MBD5: variants seen among roughly 807,000 people sequenced by gnomAD.
MBD5 encodes methyl-CpG-binding domain protein 5.
A neutral mutation model predicts 117.3 loss-of-function variants in MBD5; 13 were observed. The observed-to-expected ratio is 0.11, with a 90% CI of 0.07 to 0.18. The LOEUF (loss-of-function observed/expected upper bound fraction) is 0.18, where lower values mean the gene tolerates loss of function less well. Among genes scored for constraint, MBD5 ranks in the 10% least tolerant of loss-of-function variants. The pLI is 1.00. For missense variants in MBD5, 1,879 were observed against 2,093.8 expected, an observed-to-expected ratio of 0.90 and a Z score of 2.00; for synonymous variants, 727 against 766.4, an observed-to-expected ratio of 0.95 and a Z score of 0.85.
At chr2:148,301,891 A>C (rs1701782639) in intron 3 of MBD5, among the ~76,000 whole-genome samples, 1 of 152,144 alleles carries the variant, frequency 6.6e-6, no homozygotes, top group African/African-American at 2.4e-5. Flanking sequence ...AAAGCTGCTG[A>C]TCACCAGTTT....
rs1193884807 is a variant in MBD5 at position 148,451,588 on chromosome 2, G to T, written c.-556-6615G>T. On this transcript the variant is annotated intron_variant, in intron 4 of 13. Transcript: ENST00000642680. ...ATAATGATGGAAAGATTATGAATAT[G>T]TTCATTTATTATCCAATAAAATGAT... 2.0e-5 allele frequency among the ~76,000 whole-genome samples: 3 copies of T among 152,008 alleles called. No homozygotes were observed. The East Asian group carries it at 5.8e-4, about 29-fold the overall frequency.
intron 4 of MBD5, among the ~76,000 whole-genome samples, chr2:148,441,152 T>C (rs538439159): frequency 6.0e-4 from 92 of 152,190 alleles, no homozygotes; most frequent in African/African-American, 1.9e-3. Flanking sequence ...ATGTGCACAA[T>C]GTGCAGGTTT....
intron 2 of MBD5, among the ~76,000 whole-genome samples, chr2:148,200,899 T>A (rs1699123868): frequency 6.6e-6 from 1 of 152,220 alleles, no homozygotes; most frequent in Admixed American, 6.5e-5. Flanking sequence ...AAAAAGCTGC[T>A]TTAAAACTTT....
At chr2:148,227,477 C>T (rs1191368652) in intron 2 of MBD5, among the ~76,000 whole-genome samples, 1 of 152,164 alleles carries the variant, frequency 6.6e-6, no homozygotes, top group Non-Finnish European at 1.5e-5. Flanking sequence ...GTCTATATCT[C>T]TGTTTTGGTA....
At chr2:148,211,779 T>C (rs1699427962) in intron 2 of MBD5, among the ~76,000 whole-genome samples, 1 of 152,162 alleles carries the variant, frequency 6.6e-6, no homozygotes, top group Non-Finnish European at 1.5e-5. Flanking sequence ...AGGATCTCGC[T>C]CTGTCACCCA....
In MBD5 at chr2:148,374,219, C is replaced by G. The variant is rs535912636; in HGVS notation, c.-557+31883C>G. Among the ~76,000 whole-genome samples, 65 of 149,324 alleles carry G rather than the reference C, an allele frequency of 4.4e-4. 1 individual carries two copies. The East Asian group carries it at 5.9e-3, about 13-fold the overall frequency. On this transcript the variant is annotated intron_variant, in intron 4 of 13. Transcript: ENST00000642680. ...GCACACAAAGCCCATTTCCTTATTC[C>G]AAACTAAATATGTTTATGCATACAC...
At chr2:148,226,286 C>T (rs530893132) in intron 2 of MBD5, among the ~76,000 whole-genome samples, 2 of 152,090 alleles carry the variant, frequency 1.3e-5, no homozygotes, top group South Asian at 2.1e-4. Flanking sequence ...CAACAGTCCC[C>T]GGTGTGTGAT....
intron 3 of MBD5, among the ~76,000 whole-genome samples, chr2:148,252,815 G>A (rs1700497760): frequency 6.6e-6 from 1 of 151,966 alleles, no homozygotes; most frequent in Admixed American, 6.6e-5. Context: ...CTCCCAAAGT[G>A]CTGAGATTGC....
At chr2:148,440,631 A>C (rs761968813) in intron 4 of MBD5, among the ~76,000 whole-genome samples, 15 of 152,220 alleles carry the variant, frequency 9.9e-5, no homozygotes, top group Non-Finnish European at 1.9e-4. Flanking sequence ...TGAGTAATTA[A>C]ACTTAAAGCA....
chr2:148,080,830 G>A (rs1695630034), intron 1 of MBD5, among the ~76,000 whole-genome samples: 1 of 152,124 alleles, frequency 6.6e-6, no homozygotes, highest in Non-Finnish European at 1.5e-5. Context: ...AGAAGCAAAT[G>A]TATGGAAATT....
chr2:148,495,694 G>A (rs1450838442), intron 11 of MBD5, among the ~76,000 whole-genome samples: 1 of 152,224 alleles, frequency 6.6e-6, no homozygotes, highest in Non-Finnish European at 1.5e-5. Flanking sequence ...AGTGGGTAGG[G>A]TGTTCCCTCT....
Position 148,489,956 on chromosome 2 carries a change from A to C in MBD5, c.4324A>C (p.Arg1442=). The stretch of plus-strand genomic sequence containing the variant: ...GCAAAGCCCCAGAGGGGAGCGAAAC[A>C]GGTGGAAGTACGAGGAATTTTTAGA... The part of the protein sequence containing the change: ...GEQSPRGERN[R]WKYEEFLDHP... The change falls in exon 11 of 14, where the codon AGG becomes CGG. Residue 1442 remains arginine (R), a synonymous_variant. Transcript: ENST00000642680. 6.2e-7 allele frequency: 1 copy of C among 1,614,114 alleles called. No individual in the cohort carries two copies.
intron 3 of MBD5, among the ~76,000 whole-genome samples, chr2:148,258,185 C>T (rs1232973599): frequency 2.0e-5 from 3 of 152,136 alleles, no homozygotes; most frequent in Non-Finnish European, 4.4e-5. Context: ...ACACCACATG[C>T]ACTCGGAGTC....
chr2:148,442,124 T>C (rs1421276571), intron 4 of MBD5, among the ~76,000 whole-genome samples: 2 of 151,776 alleles, frequency 1.3e-5, no homozygotes, highest in East Asian at 3.9e-4. Context: ...ATCCCATTTG[T>C]CAATTTTGGC....
chr2:148,106,764 C>T (rs966650810), intron 1 of MBD5, among the ~76,000 whole-genome samples: 8 of 151,932 alleles, frequency 5.3e-5, no homozygotes, highest in Non-Finnish European at 8.8e-5. Flanking sequence ...AATTTATGTG[C>T]ATACTTTTAC....
At chr2:148,263,323 C>T (rs1002586587) in intron 3 of MBD5, among the ~76,000 whole-genome samples, 6 of 152,020 alleles carry the variant, frequency 3.9e-5, no homozygotes, top group Non-Finnish European at 8.8e-5. Context: ...TATCGTGGCA[C>T]AAATGTACAC....
chr2:148,253,136 T>G (rs1232517892), intron 3 of MBD5, among the ~76,000 whole-genome samples: 1 of 152,096 alleles, frequency 6.6e-6, no homozygotes, highest in South Asian at 2.1e-4. Flanking sequence ...TGGTACTTCA[T>G]GCAAAAGGTC....
chr2:148,428,790 A>G (rs1057425299), intron 4 of MBD5, among the ~76,000 whole-genome samples: 1 of 152,222 alleles, frequency 6.6e-6, no homozygotes, highest in Non-Finnish European at 1.5e-5. Context: ...CTAGCTAGCC[A>G]TAGGCAGAAA....
intron 3 of MBD5, among the ~76,000 whole-genome samples, chr2:148,283,614 C>G (rs192772664): frequency 4.6e-5 from 7 of 152,242 alleles, no homozygotes. Context: ...AAGAACTAAA[C>G]CATTTATCCT....
Sources: allele counts gnomAD v4.1 joint callset (sites outside exome capture counted in the v4.1 genomes callset), GRCh38; gene constraint gnomAD v4.1.1; transcripts MANE v1.5; gene names NCBI Gene and HGNC (gene_info 2026-07-23, HGNC 2026-07-21).